USP4: variants seen among roughly 807,000 people sequenced by gnomAD.
USP4 encodes the protein ubiquitin carboxyl-terminal hydrolase 4.
Under a neutral mutation model 118.2 loss-of-function variants are expected in USP4, and 72 were observed. That is an observed-to-expected ratio of 0.61 (90% CI 0.50 to 0.74). The LOEUF (loss-of-function observed/expected upper bound fraction) is 0.74. USP4 is among the 30% of genes least tolerant of loss of function. The pLI is 0.00. For missense variants in USP4, 1,037 were observed against 1,185.7 expected (o/e 0.87, Z 1.84); for synonymous variants, 415 against 440.4 (o/e 0.94, Z 0.72).
intron 1 of USP4, among the ~76,000 whole-genome samples, chr3:49,339,334 C>CT (rs1249081847): frequency 6.6e-6 from 1 of 152,116 alleles, no homozygotes; most frequent in Non-Finnish European, 1.5e-5. Context: ...ATTCTGGACC[C>CT]TTCATCTTCT....
chr3:49,297,033 G>A (rs893317476), intron 13 of USP4, among the ~76,000 whole-genome samples: 10 of 152,176 alleles, frequency 6.6e-5, no homozygotes, highest in African/African-American at 1.4e-4. Context: ...GAAGTCATAG[G>A]CCCAAAAATG....
intron 19 of USP4, 25 bp from the exon 20 acceptor site, chr3:49,280,872 T>C (rs2047016203): frequency 1.9e-6 from 3 of 1,604,254 alleles, no homozygotes; most frequent in African/African-American, 1.3e-5. Flanking sequence ...CAAAAATAGT[T>C]ATTGAATATG....
chr3:49,283,223 C>T (rs1027868210), intron 19 of USP4, among the ~76,000 whole-genome samples: 4 of 150,260 alleles, frequency 2.7e-5, no homozygotes, highest in African/African-American at 4.9e-5. Context: ...ACCATGTTGG[C>T]CAGGATGGTC....
rs1404315815 is a variant in USP4, at chr3:49,335,499, C to T, written c.199G>A (p.Gly67Ser). The T allele has an allele frequency of 7.4e-6, 12 of 1,614,190 alleles. No homozygotes were observed. Among genetic ancestry groups the T allele is most frequent in the Non-Finnish European group, 1.0e-5 (12 of 1,180,048 alleles). The change falls in exon 2 of 22, where the codon GGC becomes AGC. Residue 67 changes from glycine (G) to serine (S), a missense_variant. By Grantham distance (56) the Gly-to-Ser change is moderately conservative. Transcript: ENST00000265560. ...YNVGEHNLFP[G>S]PIDNSGLFSD... is the part of the protein sequence containing the mutation. ...AATAGCCCAGAGTTGTCTATTGGGC[C>T]AGGAAATAGGTTATGTTCACCCACA...
At chr3:49,324,863 A>G in intron 5 of USP4, 31 bp downstream of exon 5, 2 of 1,614,062 alleles carry the variant, frequency 1.2e-6, no homozygotes. Flanking sequence ...GGGCAGAGCT[A>G]CCTGCTGGGG....
Position 49,339,985 on chromosome 3 carries a change from C to A in USP4, c.40G>T (p.Glu14Ter). Residue 14 changes from glutamate (E) to a stop codon, truncating the protein, a stop_gained, in exon 1 of 22, where the codon GAG becomes TAG. Coordinates refer to ENST00000265560, the MANE Select transcript of USP4 (RefSeq NM_003363.4). LOFTEE classifies it high-confidence loss of function. ...GGTCCAAGCTCGGACTTCTGAGTCT[C>A]CGCATCCGGTCGCTCACGGCAGCCT... ...GGGCRERPDA[E>*]TQKSELGPLM... 6.2e-7 allele frequency: 1 copy of A among 1,612,104 alleles called. No individual in the cohort carries two copies. The highest frequency in any genetic ancestry group is 2.2e-5 in the East Asian group (1 of 44,858).
At chr3:49,307,415 CAA>C (rs879748415) in intron 8 of USP4, among the ~76,000 whole-genome samples, 10 of 106,256 alleles carry the variant, frequency 9.4e-5, no homozygotes, top group Non-Finnish European at 1.0e-4. Flanking sequence ...GACTATGTCT[CAA>C]AAAAAAAAAA....
chr3:49,292,224 A>G (rs2047158855), intron 15 of USP4, among the ~76,000 whole-genome samples: 2 of 151,748 alleles, frequency 1.3e-5, no homozygotes, highest in Admixed American at 1.3e-4. Context: ...AGTCTGAAGT[A>G]ACAGTGAGCC....
Position 49,278,102 on chromosome 3 carries a change from T to A in USP4, c.*191A>T. Reference sequence around the variant, plus strand: ...ACCACCTGTTTAAAAATAAAAATAATTCAGCCTCTTGACATAGCTTCTTCT... The same window carrying A: ...ACCACCTGTTTAAAAATAAAAATAAATCAGCCTCTTGACATAGCTTCTTCT... On this transcript the variant is annotated 3_prime_UTR_variant, in exon 22 of 22. Transcript: ENST00000265560. 1 of 636,402 alleles carries A rather than the reference T, an allele frequency of 1.6e-6. No individual in the cohort carries two copies. Among genetic ancestry groups the A allele is most frequent in the South Asian group, 3.1e-5 (1 of 32,636 alleles). The allele number at this position is 636,402 out of a possible 1,614,324, so 39.4% of individuals were successfully genotyped here. A position where few individuals can be genotyped will look rare whatever the true frequency, so the allele number is the denominator to read the frequency against.
rs773975901 is a variant in USP4, at chr3:49,278,431, T to C, written c.2754A>G (p.Leu918=). ...DQIVTKAAYV[L]FYQRRDDEFY... is the part of the protein sequence containing the mutation. Reference sequence around the variant, plus strand: ...ATTCATCATCTCGACGTTGGTAAAATAGCACATAAGCTGCTTTAGTCTGAA... The same window carrying C: ...ATTCATCATCTCGACGTTGGTAAAACAGCACATAAGCTGCTTTAGTCTGAA... The change falls in exon 22 of 22, where the codon CTA becomes CTG. Residue 918 remains leucine, a synonymous_variant. Coordinates refer to ENST00000265560, the MANE Select transcript of USP4 (RefSeq NM_003363.4). 8 of 1,614,036 alleles carry C rather than the reference T, an allele frequency of 5.0e-6. No individual in the cohort carries two copies. Among genetic ancestry groups the C allele is most frequent in the Admixed American group, 1.7e-5 (1 of 59,964 alleles).
Position 49,279,642 on chromosome 3 carries a change from A to T in USP4, c.2645-740T>A, listed in dbSNP as rs184092930. 2.6e-5 allele frequency among the ~76,000 whole-genome samples: 4 copies of T among 152,246 alleles called. No homozygotes were observed. The East Asian group carries it at 7.7e-4, about 29-fold the overall frequency. ...CACCCAGACTCTCAGAAACTACAGA[A>T]CCCAATGGAGATCTGATATCCAGTG... On this transcript the variant is annotated intron_variant, in intron 20 of 21. Transcript: ENST00000265560.
intron 11 of USP4, 104 bp downstream of exon 11, chr3:49,300,363 C>T: frequency 2.9e-6 from 3 of 1,033,192 alleles, no homozygotes; most frequent in Non-Finnish European, 4.4e-6. Context: ...CAGGCAAGTA[C>T]CAAGGGGACT....
Position 49,311,517 on chromosome 3 carries a change from C to A in USP4, c.833G>T (p.Arg278Met). 6.2e-7 allele frequency: 1 copy of A among 1,613,396 alleles called. No homozygotes were observed. Among genetic ancestry groups the A allele is most frequent in the Non-Finnish European group, 8.5e-7 (1 of 1,179,628 alleles). ...TCGMHSSGVS[R>M]GGSGFSASYN... ...GAGTGAAAGGACCTGCTCTTACCCCCTGCTGACACCGGAACTGTGCATCCC... is the reference window on the plus strand; with the variant it reads ...GAGTGAAAGGACCTGCTCTTACCCCATGCTGACACCGGAACTGTGCATCCC... Residue 278 changes from arginine to methionine, a missense_variant, in exon 7 of 22, where the codon AGG (arginine) becomes ATG (methionine). By Grantham distance (91) the Arg-to-Met change is moderately conservative. This residue lies in a region of USP4 where 487 missense variants were observed against 534.1 expected (regional missense o/e 0.91). Transcript: ENST00000265560.
intron 6 of USP4, among the ~76,000 whole-genome samples, chr3:49,323,835 C>G (rs139843299): frequency 1.6e-4 from 24 of 152,256 alleles, no homozygotes; most frequent in African/African-American, 5.1e-4. Context: ...TCTTTATCTC[C>G]CTAAGAACAT....
chr3:49,278,870 T>C lies in USP4; in HGVS notation c.2677A>G (p.Lys893Glu), dbSNP rs1384860758. The C allele has an allele frequency of 6.2e-7, 1 of 1,612,646 alleles. No homozygotes were observed. The highest frequency in any genetic ancestry group is 8.5e-7 in the Non-Finnish European group (1 of 1,179,422). The change falls in exon 21 of 22, where the codon AAA (lysine) becomes GAA (glutamate). Residue 893 changes from lysine (K) to glutamate (E), a missense_variant. By Grantham distance (56) the Lys-to-Glu change is moderately conservative. This residue lies in a region of USP4 where 522 missense variants were observed against 592.6 expected (regional missense o/e 0.88). Transcript: ENST00000265560. Reference protein sequence around the residue: ...TAYAKNKLNGKWYYFDDSNVS... With the variant: ...TAYAKNKLNGEWYYFDDSNVS... ...TTGCTATCATCAAAGTAATACCATT[T>C]ACCATTCAGTTTGTTCTTCGCATAT... is the stretch of plus-strand genomic sequence containing the variant.
At chr3:49,293,330 C>T (rs1406894273) in intron 14 of USP4, among the ~76,000 whole-genome samples, 3 of 151,958 alleles carry the variant, frequency 2.0e-5, no homozygotes, top group Non-Finnish European at 4.4e-5. Flanking sequence ...CTGGCCAACA[C>T]GGTGAAACCT....
chr3:49,292,996 C>G (rs1177109894), intron 14 of USP4, among the ~76,000 whole-genome samples: 2 of 152,158 alleles, frequency 1.3e-5, no homozygotes, highest in Non-Finnish European at 2.9e-5. Context: ...TGCCACTAGG[C>G]ACTCCAGCCT....
At chr3:49,283,779 G>A (rs760012473) in intron 19 of USP4, among the ~76,000 whole-genome samples, 42 of 152,258 alleles carry the variant, frequency 2.8e-4, no homozygotes, top group Admixed American at 5.2e-4. Flanking sequence ...CCTGTGTCTG[G>A]GCAAATGCTT....
At chr3:49,292,198 AT>A (rs918492222) in intron 15 of USP4, among the ~76,000 whole-genome samples, 11 of 152,018 alleles carry the variant, frequency 7.2e-5, no homozygotes, top group African/African-American at 2.7e-4. Context: ...AGGTGGGACA[AT>A]CACTTAAGCC....
Sources: allele counts gnomAD v4.1 joint callset (sites outside exome capture counted in the v4.1 genomes callset), GRCh38; gene constraint gnomAD v4.1.1; regional missense constraint gnomAD v4.1.1; transcripts MANE v1.5; gene names NCBI Gene and HGNC (gene_info 2026-07-23, HGNC 2026-07-21).